GOLM2: variants seen among roughly 807,000 people sequenced by gnomAD.
The protein encoded by GOLM2 is golgi membrane protein 2, also known as protein GOLM2.
Under a neutral mutation model 55.9 loss-of-function variants are expected in GOLM2, and 26 were observed. That is an observed-to-expected ratio of 0.47 (90% CI 0.34 to 0.65). The LOEUF (loss-of-function observed/expected upper bound fraction) is 0.65. Ranked by LOEUF, GOLM2 falls within the 30% of genes least tolerant of loss-of-function variation. The pLI, the probability that GOLM2 is intolerant of heterozygous loss-of-function variation, is 0.01. For missense variants in GOLM2, 486 were observed against 531.8 expected, an observed-to-expected ratio of 0.91 and a Z score of 0.85; for synonymous variants, 165 against 194.6, an observed-to-expected ratio of 0.85 and a Z score of 1.27.
chr15:44,308,912 T>C (rs1198954850), intron 1 of GOLM2, among the ~76,000 whole-genome samples: 5 of 152,164 alleles, frequency 3.3e-5, no homozygotes, highest in African/African-American at 4.8e-5. Flanking sequence ...ATATCCAAAA[T>C]ATATAAGGAA....
At chr15:44,366,676 T>A (rs1737555664) in intron 6 of GOLM2, among the ~76,000 whole-genome samples, 1 of 151,778 alleles carries the variant, frequency 6.6e-6, no homozygotes, top group Non-Finnish European at 1.5e-5. Flanking sequence ...TACAGTGATG[T>A]GTGAGAGGAG....
intron 6 of GOLM2, chr15:44,355,054 C>T (rs188913867): frequency 1.9e-3 from 300 of 157,794 alleles, no homozygotes; most frequent in Non-Finnish European, 2.9e-3. Flanking sequence ...GAGTCATCAT[C>T]TCTGCTGCCT....
At chr15:44,295,259 T>A (rs1471601192) in intron 1 of GOLM2, among the ~76,000 whole-genome samples, 1 of 152,122 alleles carries the variant, frequency 6.6e-6, no homozygotes. Flanking sequence ...TTTGATTTTT[T>A]AGTAGAGACA....
chr15:44,415,183 T>C lies in GOLM2; in HGVS notation c.*1777T>C, dbSNP rs1425497925. 6.6e-6 allele frequency: 1 copy of C among 152,610 alleles called. No individual in the cohort carries two copies. Among genetic ancestry groups the C allele is most frequent in the Non-Finnish European group, 1.5e-5 (1 of 68,016 alleles). The allele number at this position is 152,610 out of a possible 1,614,324, so 9.5% of individuals were successfully genotyped here. On this transcript the variant is annotated 3_prime_UTR_variant, in exon 10 of 10. Coordinates refer to ENST00000299957, the MANE Select transcript of GOLM2 (RefSeq NM_138423.4). ...AAGATGTAGTAGTTTACTAAAATTG[T>C]TTTTCTACCATATCAAATTAAACAA...
chr15:44,306,356 T>C (rs1338345021), intron 1 of GOLM2, among the ~76,000 whole-genome samples: 1 of 152,176 alleles, frequency 6.6e-6, no homozygotes, highest in East Asian at 1.9e-4. Flanking sequence ...CGACTTTTCT[T>C]GTACAGCTTC....
chr15:44,407,663 G>T (rs754329051), intron 9 of GOLM2, among the ~76,000 whole-genome samples: 36 of 151,776 alleles, frequency 2.4e-4, no homozygotes, highest in Non-Finnish European at 4.0e-4. Flanking sequence ...TGCCCAGGCT[G>T]GTTTCAAACT....
chr15:44,339,525 G>A (rs577229798), intron 6 of GOLM2, among the ~76,000 whole-genome samples: 7 of 151,838 alleles, frequency 4.6e-5, no homozygotes, highest in Non-Finnish European at 1.0e-4. Flanking sequence ...TTTCAGTAGA[G>A]ACGAGGTTTC....
chr15:44,411,721 C>G (rs1595672840), intron 9 of GOLM2, among the ~76,000 whole-genome samples: 1 of 150,856 alleles, frequency 6.6e-6, no homozygotes, highest in Non-Finnish European at 1.5e-5. Context: ...CCCAGCCACT[C>G]AGGAGGCTGA....
In GOLM2 at chr15:44,403,045, G is replaced by A. The variant is rs2079576018; in HGVS notation, c.1231G>A (p.Asp411Asn). 2 of 1,614,002 alleles carry A rather than the reference G, an allele frequency of 1.2e-6. No homozygotes were observed. Among genetic ancestry groups the A allele is most frequent in the East Asian group, 2.2e-5 (1 of 44,882 alleles). ...EEEDGDGGEE[D>N]VQDDEERELQ... Reference sequence around the variant, plus strand: ...AGAAGATGGTGATGGTGGAGAGGAAGACGTCCAAGGTGAGCGTGGGCCTGG... The same window carrying A: ...AGAAGATGGTGATGGTGGAGAGGAAAACGTCCAAGGTGAGCGTGGGCCTGG... The change falls in exon 9 of 10, where the codon GAC becomes AAC. Residue 411 changes from aspartate (D) to asparagine (N), a missense_variant. Coordinates refer to ENST00000299957, the MANE Select transcript of GOLM2 (RefSeq NM_138423.4).
intron 8 of GOLM2, among the ~76,000 whole-genome samples, chr15:44,381,229 A>C (rs2079400977): frequency 6.6e-6 from 1 of 152,200 alleles, no homozygotes; most frequent in Non-Finnish European, 1.5e-5. Flanking sequence ...ACTTTTTTTA[A>C]AAATACAATT....
chr15:44,335,963 C>A (rs746759565), intron 4 of GOLM2, among the ~76,000 whole-genome samples: 1 of 151,376 alleles, frequency 6.6e-6, no homozygotes, highest in African/African-American at 2.4e-5. Context: ...TACAAGCATG[C>A]GCCACCATGC....
chr15:44,413,290 G>A, intron 9 of GOLM2, 46 bp from the exon 10 acceptor site: 1 of 1,406,530 alleles, frequency 7.1e-7, no homozygotes, highest in Non-Finnish European at 1.0e-6. Context: ...GATTTCTGCA[G>A]TGATTTAAAA....
At chr15:44,369,271 T>G (rs1435863525) in intron 6 of GOLM2, among the ~76,000 whole-genome samples, 1 of 147,716 alleles carries the variant, frequency 6.8e-6, no homozygotes, top group Non-Finnish European at 1.5e-5. Context: ...TATGTACATA[T>G]ACATTCTTAG....
At chr15:44,354,304 T>TG (rs2079183285) in intron 6 of GOLM2, among the ~76,000 whole-genome samples, 1 of 24,434 alleles carries the variant, frequency 4.1e-5, no homozygotes, top group Non-Finnish European at 7.6e-5. Flanking sequence ...TGTTGTGTAG[T>TG]GGGGGGAGGG....
chr15:44,396,016 A>C (rs2079524193), intron 8 of GOLM2, among the ~76,000 whole-genome samples: 1 of 152,132 alleles, frequency 6.6e-6, no homozygotes, highest in Non-Finnish European at 1.5e-5. Context: ...CTGTACACAT[A>C]ATACAGACAG....
intron 1 of GOLM2, among the ~76,000 whole-genome samples, chr15:44,318,724 A>AG (rs1230499162): frequency 6.6e-6 from 1 of 152,038 alleles, no homozygotes; most frequent in African/African-American, 2.4e-5. Flanking sequence ...AAAAAAAAAA[A>AG]AATTGGAAGT....
chr15:44,341,691 A>ATTTTTTTTTTTTTTTTTTTTTTTTT, intron 6 of GOLM2, among the ~76,000 whole-genome samples: 1 of 120,872 alleles, frequency 8.3e-6, no homozygotes, highest in Non-Finnish European at 1.7e-5. Flanking sequence ...ATTTTATTAG[A>ATTTTTTTTTTTTTTTTTTTTTTTTT]TTTTTTTTTT....
intron 6 of GOLM2, among the ~76,000 whole-genome samples, chr15:44,364,162 GTGCACATGTA>G (rs2079265851): frequency 6.6e-6 from 1 of 152,012 alleles, no homozygotes; most frequent in Non-Finnish European, 1.5e-5. Flanking sequence ...CCTGCACATT[GTGCACATGTA>G]CCCTAAAACT....
chr15:44,327,091 C>T (rs1451214649), intron 2 of GOLM2, among the ~76,000 whole-genome samples: 1 of 151,642 alleles, frequency 6.6e-6, no homozygotes, highest in Non-Finnish European at 1.5e-5. Context: ...GCTGGGATTA[C>T]AGGCTCAGAC....
Sources: gnomAD v4.1 joint callset for allele counts (sites outside exome capture counted in the v4.1 genomes callset) on GRCh38, gnomAD v4.1.1 for gene constraint, MANE v1.5 for transcripts, NCBI Gene and HGNC (gene_info 2026-07-23, HGNC 2026-07-21) for gene names.